Variants in PDLIM5 observed in about 807,000 individuals in gnomAD.
PDLIM5 encodes the protein PDZ and LIM domain protein 5.
In PDLIM5, 34 loss-of-function variants were observed where a neutral mutation model predicts 64.2. The ratio of observed to expected loss-of-function variants is 0.53; its 90% CI spans 0.40 to 0.71. The LOEUF is 0.71. Among genes scored for constraint, PDLIM5 ranks in the 30% least tolerant of loss-of-function variants. The pLI is 0.00. For missense variants in PDLIM5, 683 were observed against 733.6 expected, an observed-to-expected ratio of 0.93 and a Z score of 0.80; for synonymous variants, 253 against 269.1, an observed-to-expected ratio of 0.94 and a Z score of 0.59.
At position 94,666,093 on chromosome 4, in the gene PDLIM5, TCG is replaced by T. The variant is rs1301019359; in HGVS notation, c.*2027_*2028del. ...TGTTTGGGGCAAGGTGATTTTATAGTCGAGACAGAGCCCTAGGTCCTTCCTGC... is the reference window on the plus strand; with the variant it reads ...TGTTTGGGGCAAGGTGATTTTATAGTAGACAGAGCCCTAGGTCCTTCCTGC... On this transcript the variant is annotated 3_prime_UTR_variant, in exon 13 of 13. Coordinates refer to ENST00000317968, the MANE Select transcript of PDLIM5 (RefSeq NM_006457.5). 1 of 1,363,548 alleles carries T rather than the reference TCG, an allele frequency of 7.3e-7. No individual in the cohort carries two copies. Among genetic ancestry groups the T allele is most frequent in the African/African-American group, 1.4e-5 (1 of 69,596 alleles). 84.5% of individuals were successfully genotyped at this position (1,363,548 alleles called of 1,614,324 possible).
chr4:94,629,349 G>T (rs567996171), intron 8 of PDLIM5, among the ~76,000 whole-genome samples: 139 of 151,984 alleles, frequency 9.1e-4, no homozygotes, highest in African/African-American at 2.3e-3. Context: ...AAAAAATAAA[G>T]AAAGAAAGAA....
At chr4:94,647,643 C>A (rs1211814770) in intron 9 of PDLIM5, among the ~76,000 whole-genome samples, 2 of 152,006 alleles carry the variant, frequency 1.3e-5, no homozygotes, top group Admixed American at 1.3e-4. Context: ...CACTAAATAC[C>A]AAGTATACTT....
At chr4:94,513,286 A>G (rs1179043498) in intron 2 of PDLIM5, among the ~76,000 whole-genome samples, 2 of 152,170 alleles carry the variant, frequency 1.3e-5, no homozygotes, top group African/African-American at 2.4e-5. Flanking sequence ...TGGTATTTTG[A>G]TAGAGATTCC....
chr4:94,612,542 A>G (rs1738459115), intron 7 of PDLIM5, among the ~76,000 whole-genome samples: 1 of 152,188 alleles, frequency 6.6e-6, no homozygotes, highest in Non-Finnish European at 1.5e-5. Context: ...GCCTGCGTGC[A>G]TATACATGCA....
At chr4:94,453,572 A>G (rs1334550825) in intron 1 of PDLIM5, among the ~76,000 whole-genome samples, 6 of 152,198 alleles carry the variant, frequency 3.9e-5, no homozygotes, top group Non-Finnish European at 7.3e-5. Flanking sequence ...CCCAACTTTC[A>G]TATTATTCCC....
Position 94,579,577 on chromosome 4 carries a change from A to C in PDLIM5, c.710+3543A>C, listed in dbSNP as rs1441409980. On this transcript the variant is annotated intron_variant, in intron 5 of 12. Transcript: ENST00000317968. ...TACTGGAGAGGAAATATGGTGATTT[A>C]TATATGAGTAAACAGCATGAATGCC... The C allele has an allele frequency of 3.5e-6, 4 of 1,159,010 alleles. No homozygotes were observed. In the African/African-American group the frequency reaches 4.7e-5, roughly 14 times the overall value. The allele number at this position is 1,159,010 out of a possible 1,614,324, so 71.8% of individuals were successfully genotyped here. A position where few individuals can be genotyped will look rare whatever the true frequency, so the allele number is the denominator to read the frequency against.
Position 94,665,838 on chromosome 4 carries a change from A to G in PDLIM5, c.*1771A>G. The G allele has an allele frequency of 7.4e-7, 1 of 1,343,622 alleles. No individual in the cohort carries two copies. Among genetic ancestry groups the G allele is most frequent in the Non-Finnish European group, 9.5e-7 (1 of 1,052,416 alleles). 83.2% of individuals were successfully genotyped at this position (1,343,622 alleles called of 1,614,324 possible). A position where few individuals can be genotyped will look rare whatever the true frequency, so the allele number is the denominator to read the frequency against. The stretch of plus-strand genomic sequence containing the variant: ...AAGCTTTTATTCACAGAGGTTGGGT[A>G]GTGTTGGGAGGGGAGTTTAATTACT... On this transcript the variant is annotated 3_prime_UTR_variant, in exon 13 of 13. Coordinates refer to ENST00000317968, the MANE Select transcript of PDLIM5 (RefSeq NM_006457.5).
intron 2 of PDLIM5, among the ~76,000 whole-genome samples, chr4:94,516,048 C>T (rs975328674): frequency 1.3e-5 from 2 of 152,146 alleles, no homozygotes; most frequent in Non-Finnish European, 2.9e-5. Flanking sequence ...TAGTAAATCA[C>T]AGTTGATGAA....
chr4:94,500,256 G>A (rs532447783), intron 2 of PDLIM5, among the ~76,000 whole-genome samples: 1 of 152,276 alleles, frequency 6.6e-6, no homozygotes, highest in South Asian at 2.1e-4. Context: ...AATTTTTTCT[G>A]ATTAAGTTTC....
chr4:94,575,877 C>G lies in PDLIM5; in HGVS notation c.553C>G (p.Leu185Val). 6.2e-7 allele frequency: 1 copy of G among 1,614,162 alleles called. No homozygotes were observed. Among genetic ancestry groups the G allele is most frequent in the Non-Finnish European group, 8.5e-7 (1 of 1,180,030 alleles). Residue 185 changes from leucine to valine, a missense_variant, in exon 5 of 13, where the codon CTT (leucine) becomes GTT (valine). Coordinates refer to ENST00000317968, the MANE Select transcript of PDLIM5 (RefSeq NM_006457.5). ...AASGLHANAN[L>V]SADQSPSALS... The stretch of plus-strand genomic sequence containing the variant: ...ATCTGGACTGCATGCTAATGCCAAT[C>G]TTAGTGCTGACCAGTCTCCATCTGC...
rs930267201 is a variant in PDLIM5, at chr4:94,665,589, C to G, written c.*1522C>G. ...TACCCCCCAATTGTTTTTCAATCCC[C>G]TTTTCTCAAATAATAAATTAGTTAA... On this transcript the variant is annotated 3_prime_UTR_variant, in exon 13 of 13. Transcript: ENST00000317968. The G allele has an allele frequency of 2.0e-5, 20 of 979,556 alleles. No homozygotes were observed. The highest frequency in any genetic ancestry group is 2.2e-5 in the Non-Finnish European group (18 of 825,362). 60.7% of individuals were successfully genotyped at this position (979,556 alleles called of 1,614,324 possible).
intron 9 of PDLIM5, 77 bp downstream of exon 9, chr4:94,640,527 G>A: frequency 1.2e-6 from 1 of 857,012 alleles, no homozygotes. Context: ...GCATTTGGAA[G>A]TATGTGTAAT....
intron 2 of PDLIM5, among the ~76,000 whole-genome samples, chr4:94,458,889 C>G (rs1723620405): frequency 6.6e-6 from 1 of 152,082 alleles, no homozygotes. Flanking sequence ...ATTGCCAGTT[C>G]CTGCTAGCTT....
At chr4:94,526,844 T>C (rs1356822874) in intron 3 of PDLIM5, among the ~76,000 whole-genome samples, 2 of 151,650 alleles carry the variant, frequency 1.3e-5, no homozygotes, top group East Asian at 3.9e-4. Context: ...GGGATTCCCC[T>C]ACCTCAGCCT....
At chr4:94,468,970 G>A (rs1187626409) in intron 2 of PDLIM5, among the ~76,000 whole-genome samples, 1 of 152,200 alleles carries the variant, frequency 6.6e-6, no homozygotes, top group Non-Finnish European at 1.5e-5. Context: ...GGACATAGGA[G>A]AGGACATAAA....
chr4:94,607,404 C>T (rs1285985841), intron 7 of PDLIM5, among the ~76,000 whole-genome samples: 1 of 151,880 alleles, frequency 6.6e-6, no homozygotes, highest in African/African-American at 2.4e-5. Context: ...TCTTCTAGAA[C>T]TTACTTCTGG....
At chr4:94,602,704 C>A (rs1737602053) in intron 7 of PDLIM5, among the ~76,000 whole-genome samples, 1 of 151,824 alleles carries the variant, frequency 6.6e-6, no homozygotes, top group Non-Finnish European at 1.5e-5. Flanking sequence ...GATCCACCTG[C>A]CTTGGCCTCC....
rs552587182 is a variant in PDLIM5 at position 94,649,960 on chromosome 4, A to T, written c.1284-4500A>T. On this transcript the variant is annotated intron_variant, in intron 9 of 12. Coordinates refer to ENST00000317968, the MANE Select transcript of PDLIM5 (RefSeq NM_006457.5). ...ATTTATGCCTTTCAGATATAAAACT[A>T]TAGGTGGCCTCACAACCCTTTAAAT... Among the ~76,000 whole-genome samples, 12 of 152,366 alleles carry T rather than the reference A, an allele frequency of 7.9e-5. No individual in the cohort carries two copies. In the South Asian group the frequency reaches 2.3e-3, roughly 29 times the overall value.
rs116773603 is a variant in PDLIM5 at position 94,589,306 on chromosome 4, A to G, written c.920+2862A>G. 4.4e-3 allele frequency among the ~76,000 whole-genome samples: 675 copies of G among 152,330 alleles called. 3 individuals carry two copies. Among genetic ancestry groups the G allele is most frequent in the Non-Finnish European group, 4.9e-3 (331 of 68,020 alleles). ...CCCTAATACAGACAAGAGAACATGT[A>G]TAGAGTTACAACTTAAAACAGATGT... On this transcript the variant is annotated intron_variant, in intron 7 of 12. Coordinates refer to ENST00000317968, the MANE Select transcript of PDLIM5 (RefSeq NM_006457.5).
Sources: gnomAD v4.1 joint callset for allele counts (sites outside exome capture counted in the v4.1 genomes callset) on GRCh38, gnomAD v4.1.1 for gene constraint, MANE v1.5 for transcripts, NCBI Gene and HGNC (gene_info 2026-07-23, HGNC 2026-07-21) for gene names.